The following BRD3 variants were observed in gnomAD, a reference collection of about 807,000 sequenced individuals.
BRD3 encodes bromodomain-containing protein 3.
BRD3 carries 17 observed loss-of-function variants against 66.8 expected under a neutral mutation model. The observed-to-expected ratio is 0.25, with a 90% CI of 0.17 to 0.38. BRD3 has a LOEUF of 0.38. BRD3 is among the 10% of genes least tolerant of loss of function. The pLI, the probability that BRD3 is intolerant of heterozygous loss-of-function variation, is 1.00. For missense variants in BRD3, 713 were observed against 956.1 expected, an observed-to-expected ratio of 0.75 and a Z score of 3.35; for synonymous variants, 421 against 393.2, an observed-to-expected ratio of 1.07 and a Z score of -0.84.
rs2301575 is a variant in BRD3, at chr9:134,050,404, G to C, written c.684C>G (p.Pro228=). 1.2e-6 allele frequency: 2 copies of C among 1,611,884 alleles called. No homozygotes were observed. The highest frequency in any genetic ancestry group is 8.5e-7 in the Non-Finnish European group (1 of 1,179,644). The change falls in exon 5 of 12, where the codon CCC becomes CCG. Residue 228 remains proline (P), a synonymous_variant. Coordinates refer to ENST00000303407, the MANE Select transcript of BRD3 (RefSeq NM_007371.4). ...APPPPATPIV[P]VVPPTPPVVK... is the part of the protein sequence containing the mutation. ...CGACAGGCGGCGTAGGAGGGACCAC[G>C]GGGACGATGGGTGTGGCAGGAGGAG...
intron 9 of BRD3, among the ~76,000 whole-genome samples, chr9:134,039,051 A>C (rs1414475904): frequency 6.6e-6 from 1 of 151,408 alleles, no homozygotes; most frequent in Non-Finnish European, 1.5e-5. Context: ...CAAACCCAGG[A>C]CCCCCATGCT....
chr9:134,052,484 C>A, intron 2 of BRD3, 41 bp from the exon 3 acceptor site: 1 of 1,578,874 alleles, frequency 6.3e-7, no homozygotes, highest in Non-Finnish European at 8.6e-7. Flanking sequence ...GAAGATTCTA[C>A]ATAATTATTT....
rs1564556300 is a variant in BRD3 at position 134,052,461 on chromosome 9, A to G, written c.214-18T>C. On this transcript the variant is annotated intron_variant, in intron 2 of 11. Transcript: ENST00000303407. ...TGATAATCCTAGGAAAGAGATTTTCAGAGGCATTACCAGAAGATTCTACAT... is the reference window on the plus strand; with the variant it reads ...TGATAATCCTAGGAAAGAGATTTTCGGAGGCATTACCAGAAGATTCTACAT... The G allele has an allele frequency of 6.3e-7, 1 of 1,593,434 alleles. No homozygotes were observed. Among genetic ancestry groups the G allele is most frequent in the East Asian group, 2.2e-5 (1 of 44,806 alleles).
intron 6 of BRD3, 22 bp downstream of exon 6, chr9:134,048,061 G>A (rs1387456069): frequency 6.5e-7 from 1 of 1,543,122 alleles, no homozygotes; most frequent in Non-Finnish European, 8.7e-7. Context: ...GGCAGAGCAG[G>A]GCCTGCCGCG....
chr9:134,045,779 G>A lies in BRD3; in HGVS notation c.1087-358C>T, dbSNP rs979911709. Among the ~76,000 whole-genome samples the A allele has an allele frequency of 1.3e-5, 2 of 152,136 alleles. No individual in the cohort carries two copies. Among genetic ancestry groups the A allele is most frequent in the Admixed American group, 6.5e-5 (1 of 15,270 alleles). ...CAAAGCGGGTAAATCTTCACACGCC[G>A]CCACGCCATCAGCAGCCCCAGGGGG... On this transcript the variant is annotated intron_variant, in intron 6 of 11. Transcript: ENST00000303407. The surrounding 1 kb of genome is among the most constrained non-coding windows in gnomAD (Gnocchi z 4.8).
intron 1 of BRD3, among the ~76,000 whole-genome samples, chr9:134,064,926 C>T (rs1356857852): frequency 6.6e-6 from 1 of 152,254 alleles, no homozygotes; most frequent in African/African-American, 2.4e-5. Flanking sequence ...TCTTGGCAAA[C>T]GCTGACCCAA....
chr9:134,044,656 CTTTGG>C (rs1830130000), intron 7 of BRD3, among the ~76,000 whole-genome samples: 1 of 152,168 alleles, frequency 6.6e-6, no homozygotes. Flanking sequence ...GGGACCTGGA[CTTTGG>C]CAGAAAAATG....
chr9:134,044,697 G>A (rs868440325), intron 7 of BRD3, among the ~76,000 whole-genome samples: 1 of 152,018 alleles, frequency 6.6e-6, no homozygotes, highest in Non-Finnish European at 1.5e-5. Context: ...GCACACACAC[G>A]CACACACGTC....
chr9:134,030,797 G>A lies in BRD3; in HGVS notation c.*2793C>T, dbSNP rs1327161974. ...TGCCCAACACAAAGAGGGGTCTGGA[G>A]TTCAGTTCACGCCCGAAGCCTGCCC... On this transcript the variant is annotated 3_prime_UTR_variant, in exon 12 of 12. Coordinates refer to ENST00000303407, the MANE Select transcript of BRD3 (RefSeq NM_007371.4). The A allele has an allele frequency of 8.6e-6, 2 of 232,464 alleles. No individual in the cohort carries two copies. Among genetic ancestry groups the A allele is most frequent in the African/African-American group, 4.4e-5 (2 of 45,302 alleles). 14.4% of individuals were successfully genotyped at this position (232,464 alleles called of 1,614,324 possible).
In BRD3 at chr9:134,040,215, G is replaced by T; in HGVS notation, c.1462C>A (p.Pro488Thr). Residue 488 changes from proline to threonine, a missense_variant, in exon 9 of 12, where the codon CCA (proline) becomes ACA (threonine). By Grantham distance (38) the Pro-to-Thr change is conservative. Transcript: ENST00000303407. ...AALSQAPVNK[P>T]KKKKEKKEKE... ...TCCTTCTTCTCCTTCTTCTTCTTTG[G>T]TTTGTTTACTGGGGCCTGAGACAGG... The T allele has an allele frequency of 6.3e-7, 1 of 1,588,330 alleles. No individual in the cohort carries two copies.
rs2132377366 is a variant in BRD3 at position 134,034,725 on chromosome 9, T to C, written c.2041A>G (p.Ser681Gly). ...RLQDVSGQLS[S>G]SKKPARKEKP... Reference sequence around the variant, plus strand: ...CCTTTCCGGGCGGGCTTCTTGCTGCTGCTCAGCTGCCCGCTGACATCCTGC... The same window carrying C: ...CCTTTCCGGGCGGGCTTCTTGCTGCCGCTCAGCTGCCCGCTGACATCCTGC... Residue 681 changes from serine (S) to glycine (G), a missense_variant, in exon 11 of 12, where the codon AGC becomes GGC. Ser to Gly is a moderately conservative substitution (Grantham distance 56). Around this residue, in one of 5 missense-constraint regions of BRD3, gnomAD observed 418 missense variants for 609.3 expected, o/e 0.69. Transcript: ENST00000303407. 6.2e-7 allele frequency: 1 copy of C among 1,607,398 alleles called. No individual in the cohort carries two copies. Among genetic ancestry groups the C allele is most frequent in the African/African-American group, 1.3e-5 (1 of 75,068 alleles).
At chr9:134,039,910 C>T in intron 9 of BRD3, 124 bp downstream of exon 9, 1 of 1,461,476 alleles carries the variant, frequency 6.8e-7, no homozygotes, top group Non-Finnish European at 9.0e-7. Context: ...GTCTCCCTGC[C>T]CCCATCACCC....
intron 1 of BRD3, among the ~76,000 whole-genome samples, chr9:134,063,047 G>A (rs868451391): frequency 1.3e-5 from 2 of 152,104 alleles, no homozygotes; most frequent in African/African-American, 4.8e-5. Flanking sequence ...AAAACACCCC[G>A]GCCCCAGGAG....
rs1002252796 is a variant in BRD3, at chr9:134,032,534, C to T, written c.*1056G>A. On this transcript the variant is annotated 3_prime_UTR_variant, in exon 12 of 12. Transcript: ENST00000303407. The stretch of plus-strand genomic sequence containing the variant: ...CGAACAGACGTGGGTGAGCACCGCG[C>T]GGTGGCAGGAGTTAGCACCTGGAGA... 8.7e-5 allele frequency: 20 copies of T among 230,956 alleles called. No homozygotes were observed. Among genetic ancestry groups the T allele is most frequent in the African/African-American group, 4.0e-4 (18 of 45,120 alleles). The allele number at this position is 230,956 out of a possible 1,614,324, so 14.3% of individuals were successfully genotyped here.
Position 134,030,567 on chromosome 9 carries a change from G to T in BRD3, c.*3023C>A. ...ACTTGCATGCACATCATACAGAAAA[G>T]TAACATTTTAAATATAAAAAAGAAA... On this transcript the variant is annotated 3_prime_UTR_variant, in exon 12 of 12. Transcript: ENST00000303407. The T allele has an allele frequency of 4.6e-6, 1 of 216,160 alleles. No individual in the cohort carries two copies. 13.4% of individuals were successfully genotyped at this position (216,160 alleles called of 1,614,324 possible).
intron 1 of BRD3, among the ~76,000 whole-genome samples, chr9:134,060,822 C>T (rs529678440): frequency 5.3e-5 from 8 of 152,290 alleles, no homozygotes; most frequent in African/African-American, 1.9e-4. Context: ...CCCAGGCAGG[C>T]CCACCTCTGG....
intron 2 of BRD3, 90 bp downstream of exon 2, chr9:134,053,175 G>T: frequency 7.0e-7 from 1 of 1,436,970 alleles, no homozygotes. Context: ...CCCAAGGCCA[G>T]AGGCAGTCTT....
rs201986524 is a variant in BRD3 at position 134,033,291 on chromosome 9, C to T, written c.*299G>A. ...AGGGATTCCACAAGGTTCTTCGGTA[C>T]GAATCTCACACGGTTTTCTGGGGTC... On this transcript the variant is annotated 3_prime_UTR_variant, in exon 12 of 12. Coordinates refer to ENST00000303407, the MANE Select transcript of BRD3 (RefSeq NM_007371.4). This position sits in a 1 kb window ranked among gnomAD's most constrained non-coding sequence, Gnocchi z 5.1. The T allele has an allele frequency of 1.0e-4, 45 of 429,290 alleles. 1 individual carries two copies. In the South Asian group the frequency reaches 1.3e-3, roughly 13 times the overall value. 26.6% of individuals were successfully genotyped at this position (429,290 alleles called of 1,614,324 possible).
At chr9:134,061,716 C>G (rs1436723489) in intron 1 of BRD3, among the ~76,000 whole-genome samples, 2 of 152,186 alleles carry the variant, frequency 1.3e-5, no homozygotes, top group African/African-American at 4.8e-5. Flanking sequence ...GGAGGGGACG[C>G]TCAGAGGTGA....
Sources: gnomAD v4.1 joint callset for allele counts (sites outside exome capture counted in the v4.1 genomes callset) on GRCh38, gnomAD v4.1.1 for gene constraint, gnomAD v4.1.1 regional missense constraint, Gnocchi (gnomAD v3.1) non-coding constraint, MANE v1.5 for transcripts, NCBI Gene and HGNC (gene_info 2026-07-23, HGNC 2026-07-21) for gene names.